Variants in RBFOX1 observed in about 807,000 individuals in gnomAD.
RBFOX1 encodes the protein RNA binding protein fox-1 homolog 1.
RBFOX1 carries 8 observed loss-of-function variants against 57.7 expected under a neutral mutation model. That is an observed-to-expected ratio of 0.14 (90% CI 0.08 to 0.25). The LOEUF (loss-of-function observed/expected upper bound fraction) is 0.25, where lower values mean the gene tolerates loss of function less well. Ranked by LOEUF, RBFOX1 falls within the 10% of genes least tolerant of loss-of-function variation. RBFOX1 has a pLI of 1.00. For missense variants in RBFOX1, 611 were observed against 548.5 expected, an observed-to-expected ratio of 1.11 and a Z score of -1.14; for synonymous variants, 326 against 222.4, an observed-to-expected ratio of 1.47 and a Z score of -4.15.
chr16:7,221,262 A>G (rs990763784), intron 4 of RBFOX1, among the ~76,000 whole-genome samples: 1 of 152,224 alleles, frequency 6.6e-6, no homozygotes, highest in Admixed American at 6.5e-5. Flanking sequence ...CATAGCCACA[A>G]GGAGGGTCTC....
intron 3 of RBFOX1, among the ~76,000 whole-genome samples, chr16:5,718,935 AATGAAC>A (rs1172606678): frequency 3.2e-4 from 49 of 151,696 alleles, no homozygotes; most frequent in Non-Finnish European, 5.6e-4. Context: ...TGAATGAATG[AATGAAC>A]TTTCTGGCCT....
intron 2 of RBFOX1, among the ~76,000 whole-genome samples, chr16:6,565,038 C>T (rs1197356443): frequency 7.0e-6 from 1 of 143,216 alleles, no homozygotes; most frequent in African/African-American, 2.6e-5. Flanking sequence ...GGAGACTAAA[C>T]AAGAATTGCT....
chr16:5,549,786 G>A lies in RBFOX1; in HGVS notation c.259-49116G>A, dbSNP rs114175492. Among the ~76,000 whole-genome samples, 803 of 152,270 alleles carry A rather than the reference G, an allele frequency of 5.3e-3. 14 individuals carry two copies. Among genetic ancestry groups the A allele is most frequent in the African/African-American group, 0.018 (760 of 41,534 alleles). ...CACCCTGGAAAAGACCTGAAGTTTG[G>A]TTTGGAAGTGGATGTCTGAAGGAAT... is the stretch of plus-strand genomic sequence containing the variant. On this transcript the variant is annotated intron_variant, in intron 2 of 2. Coordinates refer to the RBFOX1 transcript ENST00000585867.
intron 4 of RBFOX1, among the ~76,000 whole-genome samples, chr16:7,131,516 A>G (rs1046231486): frequency 2.0e-5 from 3 of 151,732 alleles, no homozygotes; most frequent in East Asian, 1.9e-4. Flanking sequence ...GAAAGGATGG[A>G]ATAAACTCAC....
chr16:7,186,374 A>G (rs2083807065), intron 4 of RBFOX1, among the ~76,000 whole-genome samples: 1 of 52,840 alleles, frequency 1.9e-5, no homozygotes, highest in South Asian at 9.2e-4. Flanking sequence ...ATATAAATAT[A>G]AACATAAACA....
intron 4 of RBFOX1, among the ~76,000 whole-genome samples, chr16:5,935,295 G>T (rs1288474692): frequency 6.6e-6 from 1 of 152,312 alleles, no homozygotes; most frequent in African/African-American, 2.4e-5. Flanking sequence ...AGAGTAGGGG[G>T]CAGGCCATGC....
chr16:5,331,279 G>A (rs528144674), intron 1 of RBFOX1, among the ~76,000 whole-genome samples: 6 of 152,312 alleles, frequency 3.9e-5, no homozygotes, highest in East Asian at 3.9e-4. Flanking sequence ...TGTATCTCAC[G>A]TGCTTTGGGC....
chr16:6,555,516 AGT>A (rs1351744524), intron 2 of RBFOX1, among the ~76,000 whole-genome samples: 19 of 152,038 alleles, frequency 1.2e-4, no homozygotes, highest in Admixed American at 1.2e-3. Flanking sequence ...TGGCTAACAC[AGT>A]GAAACCCCGT....
intron 3 of RBFOX1, among the ~76,000 whole-genome samples, chr16:7,003,359 C>T (rs2093005856): frequency 6.6e-6 from 1 of 151,658 alleles, no homozygotes; most frequent in Non-Finnish European, 1.5e-5. Flanking sequence ...ACTCAGGAGG[C>T]TGAGGCAAGA....
At chr16:6,178,223 A>G (rs1048903727) in intron 1 of RBFOX1, among the ~76,000 whole-genome samples, 34 of 109,926 alleles carry the variant, frequency 3.1e-4, no homozygotes, top group African/African-American at 1.2e-3. Flanking sequence ...GTGTTGCTCT[A>G]TTCCCCAGGC....
At chr16:7,471,036 G>T (rs1309533026) in intron 4 of RBFOX1, among the ~76,000 whole-genome samples, 1 of 152,042 alleles carries the variant, frequency 6.6e-6, no homozygotes, top group African/African-American at 2.4e-5. Context: ...ATAGTGCACA[G>T]ACAGATAATA....
At chr16:6,515,601 G>A (rs551162783) in intron 2 of RBFOX1, among the ~76,000 whole-genome samples, 21 of 152,228 alleles carry the variant, frequency 1.4e-4, no homozygotes, top group African/African-American at 5.1e-4. Flanking sequence ...CCTTTTTATG[G>A]ATCAAAATCC....
At chr16:5,780,822 C>T (rs1369818548) in intron 3 of RBFOX1, among the ~76,000 whole-genome samples, 1 of 152,186 alleles carries the variant, frequency 6.6e-6, no homozygotes. Context: ...TTGAGCAAGA[C>T]ACTTCTTTGC....
At chr16:5,468,793 C>A (rs587388) in intron 2 of RBFOX1, among the ~76,000 whole-genome samples, 4 of 152,110 alleles carry the variant, frequency 2.6e-5, no homozygotes, top group African/African-American at 7.3e-5. Context: ...GACCTGGATC[C>A]TCTCTGTGCT....
At chr16:7,352,344 C>T (rs75166482) in intron 4 of RBFOX1, among the ~76,000 whole-genome samples, 3 of 152,112 alleles carry the variant, frequency 2.0e-5, no homozygotes, top group South Asian at 2.1e-4. Context: ...ATGACCAAGT[C>T]GGAGAGAACT....
chr16:6,222,943 A>T (rs1004687544), intron 1 of RBFOX1, among the ~76,000 whole-genome samples: 12 of 151,518 alleles, frequency 7.9e-5, no homozygotes, highest in African/African-American at 2.9e-4. Context: ...GAGTGAGAAC[A>T]TGCGGTGTTT....
intron 4 of RBFOX1, among the ~76,000 whole-genome samples, chr16:7,395,333 C>G (rs1463823895): frequency 1.3e-5 from 2 of 152,236 alleles, no homozygotes; most frequent in African/African-American, 2.4e-5. Flanking sequence ...TACTTAGAAA[C>G]TCAGCAGATG....
intron 4 of RBFOX1, among the ~76,000 whole-genome samples, chr16:7,229,041 C>T (rs565161189): frequency 6.6e-6 from 1 of 151,748 alleles, no homozygotes; most frequent in African/African-American, 2.4e-5. Context: ...ACAGATGTAT[C>T]TAAACTGTTT....
intron 4 of RBFOX1, among the ~76,000 whole-genome samples, chr16:7,384,262 A>G (rs567126153): frequency 6.6e-6 from 1 of 152,148 alleles, no homozygotes; most frequent in South Asian, 2.1e-4. Context: ...AAACTTATAT[A>G]TGAAATATAT....
Sources: allele counts gnomAD v4.1 joint callset (sites outside exome capture counted in the v4.1 genomes callset), GRCh38; gene constraint gnomAD v4.1.1; transcripts MANE v1.5; gene names NCBI Gene and HGNC (gene_info 2026-07-23, HGNC 2026-07-21).